The following SSBP2 variants were observed in gnomAD, a reference collection of about 807,000 sequenced individuals.
The protein encoded by SSBP2 is single-stranded DNA-binding protein 2.
A neutral mutation model predicts 61.8 loss-of-function variants in SSBP2; 17 were observed. The observed-to-expected ratio is 0.28, with a 90% CI of 0.19 to 0.41. The LOEUF (loss-of-function observed/expected upper bound fraction) is 0.41, where lower values mean the gene tolerates loss of function less well. Among genes scored for constraint, SSBP2 ranks in the 10% least tolerant of loss-of-function variants. The pLI is 1.00. For synonymous variants in SSBP2, 139 were observed against 141.3 expected (o/e 0.98, Z 0.12); for missense variants, 310 against 458.7 (o/e 0.68, Z 2.96).
At chr5:81,630,720 A>G (rs539640833) in intron 3 of SSBP2, among the ~76,000 whole-genome samples, 1 of 152,106 alleles carries the variant, frequency 6.6e-6, no homozygotes, top group East Asian at 1.9e-4. Flanking sequence ...AAGGAAAAAA[A>G]TGGCACATTT....
At chr5:81,632,797 C>A (rs985662925) in intron 3 of SSBP2, among the ~76,000 whole-genome samples, 8 of 152,204 alleles carry the variant, frequency 5.3e-5, no homozygotes, top group African/African-American at 1.9e-4. Context: ...CACTATTCCT[C>A]CAGGTATCAT....
chr5:81,507,266 A>G (rs1333103763), intron 5 of SSBP2, among the ~76,000 whole-genome samples: 1 of 152,174 alleles, frequency 6.6e-6, no homozygotes, highest in African/African-American at 2.4e-5. Context: ...TTCTACTTAG[A>G]TTTTAAAGTA....
At chr5:81,520,400 T>C (rs1769380169) in intron 4 of SSBP2, among the ~76,000 whole-genome samples, 1 of 152,148 alleles carries the variant, frequency 6.6e-6, no homozygotes, top group Non-Finnish European at 1.5e-5. Flanking sequence ...TCTTAAGCCA[T>C]CTAATGATTA....
chr5:81,702,489 G>C (rs974056020), intron 1 of SSBP2, among the ~76,000 whole-genome samples: 1 of 152,120 alleles, frequency 6.6e-6, no homozygotes, highest in African/African-American at 2.4e-5. Context: ...CAAAGCAATA[G>C]AAACAAAATA....
chr5:81,634,462 G>C (rs574137549), intron 3 of SSBP2, among the ~76,000 whole-genome samples: 3 of 152,202 alleles, frequency 2.0e-5, no homozygotes, highest in African/African-American at 7.2e-5. Flanking sequence ...TGACCACCTT[G>C]GGAACATGTT....
At chr5:81,430,855 G>A (rs1251896966) in intron 15 of SSBP2, among the ~76,000 whole-genome samples, 2 of 152,142 alleles carry the variant, frequency 1.3e-5, no homozygotes, top group African/African-American at 4.8e-5. Flanking sequence ...CTACTGGACC[G>A]TATTTGAAAA....
At chr5:81,572,224 G>C (rs1192627695) in intron 4 of SSBP2, among the ~76,000 whole-genome samples, 1 of 152,156 alleles carries the variant, frequency 6.6e-6, no homozygotes, top group Non-Finnish European at 1.5e-5. Context: ...ATAAATCTGA[G>C]TAATTGTAAG....
chr5:81,556,530 T>G (rs1206896971), intron 4 of SSBP2, among the ~76,000 whole-genome samples: 1 of 152,072 alleles, frequency 6.6e-6, no homozygotes, highest in East Asian at 1.9e-4. Context: ...ACCTACAAGT[T>G]TATATGCATG....
At chr5:81,751,138 C>A (rs1470229735), upstream of SSBP2, 3 of 1,315,882 alleles carry the variant, frequency 2.3e-6, no homozygotes, top group Non-Finnish European at 3.2e-6. Flanking sequence ...CACGCAGCCA[C>A]CCCCACTATT....
intron 1 of SSBP2, among the ~76,000 whole-genome samples, chr5:81,661,524 T>C (rs1177962406): frequency 6.6e-6 from 1 of 152,216 alleles, no homozygotes; most frequent in Non-Finnish European, 1.5e-5. Flanking sequence ...CTCTTTTTTT[T>C]TTTAATAACA....
chr5:81,581,904 T>C (rs1774680334), intron 4 of SSBP2, among the ~76,000 whole-genome samples: 1 of 152,174 alleles, frequency 6.6e-6, no homozygotes, highest in Admixed American at 6.5e-5. Context: ...ACTAAAAATA[T>C]AAAAACATTC....
intron 14 of SSBP2, 81 bp from the exon 15 acceptor site, chr5:81,437,539 G>A (rs1580680643): frequency 1.6e-6 from 2 of 1,247,942 alleles, no homozygotes; most frequent in South Asian, 1.3e-5. Context: ...TTAAATAAGT[G>A]AAGTATACTA....
intron 4 of SSBP2, among the ~76,000 whole-genome samples, chr5:81,547,694 A>G (rs1453180041): frequency 6.6e-6 from 1 of 152,196 alleles, no homozygotes; most frequent in Non-Finnish European, 1.5e-5. Flanking sequence ...GCTGGTCTCA[A>G]ACTCCTGGGC....
chr5:81,461,767 A>G (rs985062014), intron 9 of SSBP2, among the ~76,000 whole-genome samples: 4 of 152,184 alleles, frequency 2.6e-5, no homozygotes, highest in African/African-American at 7.2e-5. Context: ...CTATGCCAAT[A>G]TATTACTTCA....
chr5:81,594,446 T>C (rs986336368), intron 4 of SSBP2, among the ~76,000 whole-genome samples: 21 of 152,100 alleles, frequency 1.4e-4, no homozygotes, highest in African/African-American at 4.3e-4. Flanking sequence ...GACAGAAAGT[T>C]AACAAGGATA....
chr5:81,718,297 A>G (rs1456419838), intron 1 of SSBP2, among the ~76,000 whole-genome samples: 1 of 152,176 alleles, frequency 6.6e-6, no homozygotes, highest in Non-Finnish European at 1.5e-5. Flanking sequence ...GATAGGATTC[A>G]GAGGGCTAAG....
At chr5:81,722,151 A>G (rs1178629376) in intron 1 of SSBP2, among the ~76,000 whole-genome samples, 1 of 152,072 alleles carries the variant, frequency 6.6e-6, no homozygotes, top group African/African-American at 2.4e-5. Context: ...ACGAAAAATA[A>G]AAGGGAAATA....
At chr5:81,491,098 C>T (rs1766821651) in intron 5 of SSBP2, among the ~76,000 whole-genome samples, 2 of 152,082 alleles carry the variant, frequency 1.3e-5, no homozygotes, top group South Asian at 4.1e-4. Flanking sequence ...CCTAATTTCA[C>T]CTATGAAGCT....
At chr5:81,634,979 T>C (rs1203937090) in intron 3 of SSBP2, among the ~76,000 whole-genome samples, 1 of 152,240 alleles carries the variant, frequency 6.6e-6, no homozygotes, top group African/African-American at 2.4e-5. Flanking sequence ...TAGACTGTTA[T>C]CAACAAGAGG....
Sources: gnomAD v4.1 joint callset for allele counts (sites outside exome capture counted in the v4.1 genomes callset) on GRCh38, gnomAD v4.1.1 for gene constraint, MANE v1.5 for transcripts, NCBI Gene and HGNC (gene_info 2026-07-23, HGNC 2026-07-21) for gene names.